Variants in PIGK observed in about 807,000 individuals in gnomAD.
The protein encoded by PIGK is GPI-anchor transamidase.
In PIGK, 42 loss-of-function variants were observed where a neutral mutation model predicts 50.6. The ratio of observed to expected loss-of-function variants is 0.83; its 90% CI spans 0.65 to 1.07. The LOEUF (loss-of-function observed/expected upper bound fraction) is 1.07. Ranked by LOEUF, PIGK falls within the 50% of genes least tolerant of loss-of-function variation. The probability of loss-of-function intolerance (pLI) is 0.00; values close to 1 mark genes in which losing one functional copy is unlikely to be tolerated. For missense variants in PIGK, 448 were observed against 488.7 expected (o/e 0.92, Z 0.78); for synonymous variants, 151 against 156.0 (o/e 0.97, Z 0.24).
intron 1 of PIGK, 76 bp from the exon 2 acceptor site, chr1:77,210,565 C>T (rs17100046): frequency 7.0e-6 from 6 of 853,176 alleles, no homozygotes; most frequent in South Asian, 3.2e-5. Context: ...AGTTGAGACT[C>T]GTGTAGTTTT....
rs545936106 is a variant in PIGK at position 77,126,305 on chromosome 1, T to C, written c.987-3946A>G. ...CTGTGACTTTGTAAAGGTGCTGGCT[T>C]CTTTTTCTGTTGAGGATTATTTGTA... On this transcript the variant is annotated intron_variant, in intron 9 of 10. Coordinates refer to ENST00000370812, the MANE Select transcript of PIGK (RefSeq NM_005482.3). Among the ~76,000 whole-genome samples, 5 of 152,336 alleles carry C rather than the reference T, an allele frequency of 3.3e-5. No individual in the cohort carries two copies. In the South Asian group the frequency reaches 1.0e-3, roughly 32 times the overall value.
At position 77,189,748 on chromosome 1, in the gene PIGK, TACACACAC is replaced by T. The variant is rs200985315; in HGVS notation, c.239+16884_239+16891del. On this transcript the variant is annotated intron_variant, in intron 3 of 10. Coordinates refer to ENST00000370812, the MANE Select transcript of PIGK (RefSeq NM_005482.3). Reference sequence around the variant, plus strand: ...ATATATATATATATATATATATATATACACACACACACACACACACACACACACAGATA... The same window carrying T: ...ATATATATATATATATATATATATATACACACACACACACACACACAGATA... Among the ~76,000 whole-genome samples, 275 of 53,896 alleles carry T rather than the reference TACACACAC, an allele frequency of 5.1e-3. 1 individual carries two copies. The highest frequency in any genetic ancestry group is 0.014 in the African/African-American group (171 of 11,832). The allele number at this position is 53,896 out of a possible 152,430, so 35.4% of individuals were successfully genotyped here.
At chr1:77,108,938 C>A (rs1435332367) in intron 10 of PIGK, among the ~76,000 whole-genome samples, 1 of 152,126 alleles carries the variant, frequency 6.6e-6, no homozygotes, top group African/African-American at 2.4e-5. Context: ...GTTTTCAGCT[C>A]CATCAGGTCA....
intron 9 of PIGK, among the ~76,000 whole-genome samples, chr1:77,144,509 CATT>C (rs913532445): frequency 1.3e-5 from 2 of 151,730 alleles, no homozygotes; most frequent in African/African-American, 4.8e-5. Context: ...TATTAATAAA[CATT>C]AGTTGGAAAC....
In PIGK at chr1:77,155,220, G is replaced by A. The variant is rs1288142811; in HGVS notation, c.814-599C>T. Among the ~76,000 whole-genome samples the A allele has an allele frequency of 2.0e-5, 3 of 152,052 alleles. No individual in the cohort carries two copies. In the East Asian group the frequency reaches 5.8e-4, roughly 29 times the overall value. On this transcript the variant is annotated intron_variant, in intron 8 of 10. Transcript: ENST00000370812. ...TTTCTTAGTTTATTTATGAAAATAAGCCCAAGCTACCTCCACAAATACTCC... is the reference window on the plus strand; with the variant it reads ...TTTCTTAGTTTATTTATGAAAATAAACCCAAGCTACCTCCACAAATACTCC...
chr1:77,196,332 T>A (rs1036243854), intron 3 of PIGK, among the ~76,000 whole-genome samples: 6 of 152,186 alleles, frequency 3.9e-5, no homozygotes, highest in Admixed American at 1.3e-4. Context: ...TATATTCCTT[T>A]GGGTAGGTGC....
chr1:77,166,602 C>A, intron 5 of PIGK, 117 bp downstream of exon 5: 1 of 582,812 alleles, frequency 1.7e-6, no homozygotes, highest in Non-Finnish European at 3.1e-6. Flanking sequence ...AATATAACTA[C>A]ATGAGAAACC....
chr1:77,129,145 C>T (rs1654299690), intron 9 of PIGK: 10 of 1,522,596 alleles, frequency 6.6e-6, no homozygotes, highest in South Asian at 1.1e-5. Context: ...CCGGAGAACC[C>T]CACGAAATCA....
At position 77,219,340 on chromosome 1, in the gene PIGK, G is replaced by C. The variant is rs748348558; in HGVS notation, c.63C>G (p.Ser21=). The change falls in exon 1 of 11, where the codon TCC becomes TCG. Residue 21 remains serine (S), a synonymous_variant. Transcript: ENST00000370812. The part of the protein sequence containing the change: ...ATVLATVLLL[S]FGSVAASHIE... ...TATGACTAGCGGCCACGCTGCCGAA[G>C]GACAAGAGCAACACAGTTGCCAAGA... 1.2e-6 allele frequency: 2 copies of C among 1,613,818 alleles called. No individual in the cohort carries two copies. Among genetic ancestry groups the C allele is most frequent in the African/African-American group, 1.3e-5 (1 of 75,056 alleles).
At chr1:77,136,442 C>T (rs6699688) in intron 9 of PIGK, among the ~76,000 whole-genome samples, 96,906 of 147,550 alleles carry the variant, frequency 0.66, 32,325 homozygotes, top group African/African-American at 0.81. Flanking sequence ...GGCAGGAGAA[C>T]GGCGTGAACC....
chr1:77,138,314 T>G lies in PIGK; in HGVS notation c.987-15955A>C, dbSNP rs1054852705. On this transcript the variant is annotated intron_variant, in intron 9 of 10. Coordinates refer to ENST00000370812, the MANE Select transcript of PIGK (RefSeq NM_005482.3). The stretch of plus-strand genomic sequence containing the variant: ...AGATTGAAAATAGGAGAGACTCTAC[T>G]GCAGGCTTTGAAGACACAAACAGCC... 1.7e-4 allele frequency among the ~76,000 whole-genome samples: 26 copies of G among 152,336 alleles called. 1 individual carries two copies. The highest frequency in any genetic ancestry group is 6.8e-3 in the Middle Eastern group (2 of 294).
chr1:77,206,715 A>G lies in PIGK; in HGVS notation c.164T>C (p.Phe55Ser). 6.2e-7 allele frequency: 1 copy of G among 1,608,864 alleles called. No individual in the cohort carries two copies. The change falls in exon 3 of 11, where the codon TTC (phenylalanine) becomes TCC (serine). Residue 55 changes from phenylalanine (F) to serine (S), a missense_variant. Transcript: ENST00000370812. Reference sequence around the variant, plus strand: ...TGCAACATGTCGATAATTAAACCAGAATCGGGATGTACACACCTGAAGTAT... The same window carrying G: ...TGCAACATGTCGATAATTAAACCAGGATCGGGATGTACACACCTGAAGTAT... ...NWAVLVCTSR[F>S]WFNYRHVANT...
chr1:77,099,251 T>C (rs1653489050), intron 10 of PIGK, among the ~76,000 whole-genome samples: 1 of 152,176 alleles, frequency 6.6e-6, no homozygotes, highest in Admixed American at 6.5e-5. Context: ...AAATATGATG[T>C]TTCCTATAAC....
rs143518928 is a variant in PIGK, at chr1:77,201,884, T to C, written c.239+4756A>G. 1.8e-3 allele frequency among the ~76,000 whole-genome samples: 280 copies of C among 151,802 alleles called. 1 individual carries two copies. The highest frequency in any genetic ancestry group is 6.3e-3 in the African/African-American group (263 of 41,432). ...ACAGCCTGGGCACCATTGTGAGACA[T>C]CAACTCTACAAAAAAATTAAAAAAT... On this transcript the variant is annotated intron_variant, in intron 3 of 10. Transcript: ENST00000370812.
intron 9 of PIGK, among the ~76,000 whole-genome samples, chr1:77,139,795 G>T (rs1300530894): frequency 2.0e-5 from 3 of 152,146 alleles, no homozygotes; most frequent in Non-Finnish European, 4.4e-5. Context: ...TAGGTATCTT[G>T]TAACGGAATA....
intron 10 of PIGK, among the ~76,000 whole-genome samples, chr1:77,095,039 C>A (rs1043442450): frequency 2.0e-5 from 3 of 152,152 alleles, no homozygotes; most frequent in African/African-American, 4.8e-5. Context: ...AAATCCTGGC[C>A]TTTCAAAACT....
rs1653314682 is a variant in PIGK, at chr1:77,092,125, T to C, written c.*249A>G. ...TTACTATTTTCAAAAACAGTCAATG[T>C]ATTCTGATCTCTGTCTCATTCGCTT... On this transcript the variant is annotated 3_prime_UTR_variant, in exon 11 of 11. Transcript: ENST00000370812. 1 of 218,986 alleles carries C rather than the reference T, an allele frequency of 4.6e-6. No individual in the cohort carries two copies. 13.6% of individuals were successfully genotyped at this position (218,986 alleles called of 1,614,324 possible).
Position 77,177,766 on chromosome 1 carries a change from T to C in PIGK, c.240-8371A>G, listed in dbSNP as rs1184838005. On this transcript the variant is annotated intron_variant, in intron 3 of 10. Transcript: ENST00000370812. ...TTCTGTCTAGAACCCAAAGACTGGATCTTCTGAAAACATCAGAGAAACACT... is the reference window on the plus strand; with the variant it reads ...TTCTGTCTAGAACCCAAAGACTGGACCTTCTGAAAACATCAGAGAAACACT... Among the ~76,000 whole-genome samples, 5 of 152,210 alleles carry C rather than the reference T, an allele frequency of 3.3e-5. No homozygotes were observed. The East Asian group carries it at 9.7e-4, about 29-fold the overall frequency.
intron 10 of PIGK, among the ~76,000 whole-genome samples, chr1:77,121,243 T>A (rs1654088413): frequency 6.6e-6 from 1 of 152,184 alleles, no homozygotes; most frequent in East Asian, 1.9e-4. Context: ...ATTCGCAGAC[T>A]GTTAGGTCAT....
Sources: allele counts gnomAD v4.1 joint callset (sites outside exome capture counted in the v4.1 genomes callset), GRCh38; gene constraint gnomAD v4.1.1; transcripts MANE v1.5; gene names NCBI Gene and HGNC (gene_info 2026-07-23, HGNC 2026-07-21).